The following CSMD3 variants were observed in gnomAD, a reference collection of about 807,000 sequenced individuals.
CSMD3 encodes the protein CUB and sushi domain-containing protein 3.
CSMD3 carries 177 observed loss-of-function variants against 435.2 expected under a neutral mutation model. The observed-to-expected ratio is 0.41, with a 90% CI of 0.36 to 0.46. CSMD3 has a LOEUF of 0.46. Ranked by LOEUF, CSMD3 falls within the 20% of genes least tolerant of loss-of-function variation. The pLI, the probability that CSMD3 is intolerant of heterozygous loss-of-function variation, is 0.34. For missense variants in CSMD3, 4,265 were observed against 4,504.6 expected, an observed-to-expected ratio of 0.95 and a Z score of 1.52; for synonymous variants, 1,656 against 1,520.5, an observed-to-expected ratio of 1.09 and a Z score of -2.07.
intron 27 of CSMD3, among the ~76,000 whole-genome samples, chr8:112,544,064 T>C (rs552972980): frequency 1.3e-5 from 2 of 152,180 alleles, no homozygotes; most frequent in African/African-American, 4.8e-5. Flanking sequence ...TCCAGGGGCT[T>C]AGGGGAGATG....
intron 1 of CSMD3, among the ~76,000 whole-genome samples, chr8:113,402,541 T>G (rs1242342263): frequency 6.6e-6 from 1 of 151,338 alleles, no homozygotes; most frequent in Non-Finnish European, 1.5e-5. Flanking sequence ...TGTCCCCGAA[T>G]TTAAAAATCT....
At chr8:112,389,251 G>T (rs1474212141) in intron 36 of CSMD3, among the ~76,000 whole-genome samples, 2 of 152,134 alleles carry the variant, frequency 1.3e-5, no homozygotes, top group Non-Finnish European at 2.9e-5. Context: ...AAATAAGTAA[G>T]CTGATTTAAT....
At chr8:112,503,768 A>G in intron 30 of CSMD3, 22 bp downstream of exon 30, 1 of 1,538,158 alleles carries the variant, frequency 6.5e-7, no homozygotes, top group Non-Finnish European at 9.0e-7. Context: ...TCATGATACT[A>G]ACATGGAATG....
chr8:113,079,724 GT>G (rs919134966), intron 5 of CSMD3, among the ~76,000 whole-genome samples: 3 of 151,982 alleles, frequency 2.0e-5, no homozygotes, highest in Admixed American at 2.0e-4. Flanking sequence ...ATTCAGAAAT[GT>G]TTTTTTCGTT....
chr8:112,919,200 C>T (rs2082660816), intron 10 of CSMD3, among the ~76,000 whole-genome samples: 2 of 151,596 alleles, frequency 1.3e-5, no homozygotes, highest in South Asian at 2.1e-4. Flanking sequence ...TTTATACTTC[C>T]TATATAATAA....
intron 70 of CSMD3, among the ~76,000 whole-genome samples, chr8:112,228,125 CT>C (rs762863098): frequency 1.1e-4 from 16 of 152,022 alleles, no homozygotes; most frequent in Non-Finnish European, 2.2e-4. Context: ...CATATTTTTT[CT>C]TGATAAGGGA....
At chr8:112,360,081 GATATAAAC>G (rs1827041871) in intron 38 of CSMD3, among the ~76,000 whole-genome samples, 2 of 152,112 alleles carry the variant, frequency 1.3e-5, no homozygotes, top group African/African-American at 4.8e-5. Flanking sequence ...AGTGAACTAT[GATATAAAC>G]ATGTATGCTT....
At chr8:112,913,849 G>A (rs948936607) in intron 10 of CSMD3, among the ~76,000 whole-genome samples, 2 of 151,384 alleles carry the variant, frequency 1.3e-5, no homozygotes, top group Non-Finnish European at 1.5e-5. Context: ...AAAAATTTTT[G>A]TACTCTTCTA....
At position 112,947,836 on chromosome 8, in the gene CSMD3, C is replaced by A; in HGVS notation, c.1462G>T (p.Asp488Tyr). Residue 488 changes from aspartate to tyrosine, a missense_variant, in exon 9 of 71, where the codon GAT (aspartate) becomes TAT (tyrosine). Physicochemically the swap from Asp to Tyr is radical, Grantham distance 160. Transcript: ENST00000297405. ...GIKTASNLCP[D>Y]PGEPENGKRI... ...TTCCCATTTTCTGGTTCTCCTGGATCTGGGCATAAATTGGAAGCTGTTTTA... is the reference window on the plus strand; with the variant it reads ...TTCCCATTTTCTGGTTCTCCTGGATATGGGCATAAATTGGAAGCTGTTTTA... 1 of 1,553,502 alleles carries A rather than the reference C, an allele frequency of 6.4e-7. No individual in the cohort carries two copies. Among genetic ancestry groups the A allele is most frequent in the Non-Finnish European group, 8.9e-7 (1 of 1,126,956 alleles).
intron 13 of CSMD3, among the ~76,000 whole-genome samples, chr8:112,754,047 A>G (rs2077635374): frequency 6.6e-6 from 1 of 152,262 alleles, no homozygotes; most frequent in Admixed American, 6.5e-5. Context: ...GTGCACATGC[A>G]GAAAGCACAG....
At chr8:112,469,863 A>T (rs1818348878) in intron 32 of CSMD3, among the ~76,000 whole-genome samples, 1 of 152,224 alleles carries the variant, frequency 6.6e-6, no homozygotes, top group African/African-American at 2.4e-5. Context: ...AGAAGGAATG[A>T]TCATAATTTG....
At chr8:112,418,077 A>G (rs879395554) in intron 32 of CSMD3, among the ~76,000 whole-genome samples, 2 of 152,188 alleles carry the variant, frequency 1.3e-5, no homozygotes, top group Non-Finnish European at 2.9e-5. Context: ...AACACAGCAC[A>G]GATGAAAATG....
At chr8:112,769,665 T>G (rs1321084534) in intron 13 of CSMD3, among the ~76,000 whole-genome samples, 1 of 151,962 alleles carries the variant, frequency 6.6e-6, no homozygotes, top group Non-Finnish European at 1.5e-5. Flanking sequence ...TAATTACACT[T>G]TTAGAAATAT....
chr8:112,918,378 C>T (rs1389504124), intron 10 of CSMD3, among the ~76,000 whole-genome samples: 1 of 151,706 alleles, frequency 6.6e-6, no homozygotes, highest in Non-Finnish European at 1.5e-5. Context: ...GTGGTTTTTG[C>T]CCTTGTAACT....
chr8:113,160,359 A>G (rs573293954), intron 4 of CSMD3, among the ~76,000 whole-genome samples: 2 of 152,116 alleles, frequency 1.3e-5, no homozygotes, highest in Admixed American at 1.3e-4. Flanking sequence ...TAGTTACAAG[A>G]GTGGAAATGA....
chr8:113,175,564 A>G (rs2092335349), intron 3 of CSMD3, among the ~76,000 whole-genome samples: 1 of 151,998 alleles, frequency 6.6e-6, no homozygotes, highest in African/African-American at 2.4e-5. Flanking sequence ...GTAAAACAAT[A>G]CAACTTTATT....
intron 13 of CSMD3, among the ~76,000 whole-genome samples, chr8:112,759,009 A>G (rs1224382456): frequency 6.6e-6 from 1 of 152,102 alleles, no homozygotes; most frequent in Non-Finnish European, 1.5e-5. Flanking sequence ...GTTTAATTTT[A>G]TAACTCTGGA....
chr8:112,915,864 G>T (rs925332284), intron 10 of CSMD3, among the ~76,000 whole-genome samples: 2 of 151,720 alleles, frequency 1.3e-5, no homozygotes, highest in African/African-American at 4.8e-5. Flanking sequence ...TTCAGGAACT[G>T]AGGCAAATTC....
intron 11 of CSMD3, among the ~76,000 whole-genome samples, chr8:112,831,324 C>CTT (rs55658194): frequency 5.0e-5 from 7 of 140,676 alleles, no homozygotes; most frequent in Admixed American, 2.8e-4. Flanking sequence ...CATTTTCTTT[C>CTT]TTTTTTTTTT....
Sources: gnomAD v4.1 joint callset for allele counts (sites outside exome capture counted in the v4.1 genomes callset) on GRCh38, gnomAD v4.1.1 for gene constraint, MANE v1.5 for transcripts, NCBI Gene and HGNC (gene_info 2026-07-23, HGNC 2026-07-21) for gene names.